CLN3: variants seen among roughly 807,000 people sequenced by gnomAD.
CLN3 encodes the protein battenin.
Under a neutral mutation model 60.7 loss-of-function variants are expected in CLN3, and 49 were observed. That is an observed-to-expected ratio of 0.81 (90% confidence interval 0.64 to 1.02). The LOEUF (loss-of-function observed/expected upper bound fraction) is 1.02. Ranked by LOEUF, CLN3 falls within the 50% of genes least tolerant of loss-of-function variation. The pLI is 0.00. For missense variants in CLN3, 516 were observed against 557.4 expected (o/e 0.93, Z 0.75); for synonymous variants, 256 against 245.8 (o/e 1.04, Z -0.39).
chr16:28,473,068 G>T (rs1166288093), downstream of CLN3, among the ~76,000 whole-genome samples: 1 of 151,996 alleles, frequency 6.6e-6, no homozygotes, highest in Non-Finnish European at 1.5e-5. Flanking sequence ...CTCCAGAGTA[G>T]CTGGGAGTAC....
chr16:28,470,753 T>G (rs1229583527), downstream of CLN3, among the ~76,000 whole-genome samples: 3 of 150,110 alleles, frequency 2.0e-5, no homozygotes, highest in Non-Finnish European at 4.5e-5. Context: ...AAGGATCCGG[T>G]TCAAATTAAG....
intron 14 of CLN3, among the ~76,000 whole-genome samples, chr16:28,480,092 C>T (rs1203601473): frequency 6.6e-6 from 1 of 152,004 alleles, no homozygotes; most frequent in African/African-American, 2.4e-5. Flanking sequence ...TCCCGAGTAG[C>T]TGGGATTACA....
chr16:28,491,756 C>G lies in CLN3; in HGVS notation c.4G>C (p.Gly2Arg), dbSNP rs2046319139. The G allele has an allele frequency of 6.2e-7, 1 of 1,613,924 alleles. No homozygotes were observed. The highest frequency in any genetic ancestry group is 1.7e-5 in the Admixed American group (1 of 60,026). The change falls in exon 2 of 16, where the codon GGA (glycine) becomes CGA (arginine). Residue 2 changes from glycine to arginine, a missense_variant. By Grantham distance (125) the Gly-to-Arg change is moderately radical. Coordinates refer to ENST00000636147, the MANE Select transcript of CLN3 (RefSeq NM_001042432.2). ...CGCCGCCGCGAGCCTGCACAGCCTC[C>G]CATCGCATCAAGTTCAGGTCCCCCG... The part of the protein sequence containing the change: M[G>R]GCAGSRRRFS...
At chr16:28,468,536 T>TTTTTTTAATTTTTGCA in the CLN3 span, among the ~76,000 whole-genome samples, 1 of 142,608 alleles carries the variant, frequency 7.0e-6, no homozygotes, top group Admixed American at 7.0e-5. Flanking sequence ...GGGCCGGGTG[T>TTTTTTTAATTTTTGCA]GGTGGCTCAC....
chr16:28,491,780 C>G lies in CLN3; in HGVS notation c.-21G>C. ...CCCATCGCATCAAGTTCAGGTCCCC[C>G]GAGGGTCCAGGGTCATAGAGTGTCC... On this transcript the variant is annotated 5_prime_UTR_variant, in exon 2 of 16. Transcript: ENST00000636147. The G allele has an allele frequency of 1.2e-6, 2 of 1,613,140 alleles. No homozygotes were observed. The highest frequency in any genetic ancestry group is 1.7e-6 in the Non-Finnish European group (2 of 1,179,990).
chr16:28,478,023 T>C (rs2046026296), intron 14 of CLN3, 146 bp from the exon 15 acceptor site: 1 of 879,256 alleles, frequency 1.1e-6, no homozygotes. Flanking sequence ...ACCAGCCCGG[T>C]GTGGTGGCTC....
chr16:28,483,649 C>T (rs1011968545), intron 10 of CLN3, among the ~76,000 whole-genome samples: 3 of 151,692 alleles, frequency 2.0e-5, no homozygotes, highest in Non-Finnish European at 2.9e-5. Context: ...ATTGGAATGC[C>T]TGGCACATGG....
In CLN3 at chr16:28,477,291, A is replaced by G. The variant is rs2046008258; in HGVS notation, c.*225T>C. 1 of 598,334 alleles carries G rather than the reference A, an allele frequency of 1.7e-6. No individual in the cohort carries two copies. Among genetic ancestry groups the G allele is most frequent in the Non-Finnish European group, 3.0e-6 (1 of 338,586 alleles). 37.1% of individuals were successfully genotyped at this position (598,334 alleles called of 1,614,324 possible). ...ACGATATAAGAAGTCCATGGATAAA[A>G]TCGGCATTTATTCAGAAGGCATGAT... On this transcript the variant is annotated 3_prime_UTR_variant, in exon 16 of 16. Coordinates refer to ENST00000636147, the MANE Select transcript of CLN3 (RefSeq NM_001042432.2).
chr16:28,485,226 A>C (rs2046186242), intron 9 of CLN3, among the ~76,000 whole-genome samples: 1 of 145,794 alleles, frequency 6.9e-6, no homozygotes, highest in Non-Finnish European at 1.5e-5. Flanking sequence ...TACAGATGTG[A>C]GCCACCATGC....
At chr16:28,487,764 G>A in intron 5 of CLN3, 23 bp from the exon 6 acceptor site, 1 of 1,595,628 alleles carries the variant, frequency 6.3e-7, no homozygotes, top group East Asian at 2.2e-5. Flanking sequence ...AATAGAGTGA[G>A]ACCGCAGAGC....
chr16:28,490,653 C>A (rs1009179499), intron 3 of CLN3, among the ~76,000 whole-genome samples: 1 of 140,602 alleles, frequency 7.1e-6, no homozygotes, highest in Non-Finnish European at 1.5e-5. Flanking sequence ...TCAGCTACTC[C>A]GGAGGCTGAG....
intron 14 of CLN3, among the ~76,000 whole-genome samples, chr16:28,481,775 T>C (rs1242235685): frequency 6.6e-6 from 1 of 151,992 alleles, no homozygotes; most frequent in Non-Finnish European, 1.5e-5. Flanking sequence ...GCAGATCACC[T>C]GAGGTCAAGA....
At chr16:28,470,586 AGGGGAG>A (rs1417188422), downstream of CLN3, 120 of 42,330 alleles carry the variant, frequency 2.8e-3, no homozygotes, top group Non-Finnish European at 3.7e-3. Context: ...GGGGAGGGGA[AGGGGAG>A]GGGGAGGGGA....
At chr16:28,471,970 C>T (rs1222428532), downstream of CLN3, among the ~76,000 whole-genome samples, 1 of 152,066 alleles carries the variant, frequency 6.6e-6, no homozygotes. Flanking sequence ...ATGGAGTTTG[C>T]AGTGAGCTGA....
Position 28,486,397 on chromosome 16 carries a change from A to C in CLN3, c.627T>G (p.Pro209=). ...CCAGCATGGACAGCAGGGTCTGCTG[A>C]GGGGAGAGGCCGGCCTGGGTGAGGC... is the stretch of plus-strand genomic sequence containing the variant. ...YLGLTQAGLS[P]QQTLLSMLGI... The change falls in exon 9 of 16, where the codon CCT becomes CCG. Residue 209 remains proline, a synonymous_variant. Coordinates refer to ENST00000636147, the MANE Select transcript of CLN3 (RefSeq NM_001042432.2). 1 of 1,613,286 alleles carries C rather than the reference A, an allele frequency of 6.2e-7. No homozygotes were observed.
At chr16:28,482,417 G>A in intron 12 of CLN3, 35 bp from the exon 13 acceptor site, 3 of 1,613,634 alleles carry the variant, frequency 1.9e-6, no homozygotes, top group Non-Finnish European at 2.5e-6. Flanking sequence ...GATGGACGGG[G>A]CTGTGTGGGT....
chr16:28,478,979 C>G (rs967279617), intron 14 of CLN3, among the ~76,000 whole-genome samples: 72 of 152,234 alleles, frequency 4.7e-4, no homozygotes, highest in Non-Finnish European at 7.5e-4. Context: ...GTCGCTGCCC[C>G]CCTGCCTCAG....
intron 15 of CLN3, 44 bp downstream of exon 15, chr16:28,477,693 T>C (rs1156772853): frequency 1.2e-6 from 2 of 1,613,862 alleles, no homozygotes; most frequent in African/African-American, 2.7e-5. Context: ...GCCCTGGGTG[T>C]CCCTGGACAG....
rs759581122 is a variant in CLN3 at position 28,489,344 on chromosome 16, C to T, written c.168G>A (p.Leu56=). ...LCNNFSYVVM[L]SAAHDILSHK... is the part of the protein sequence containing the mutation. ...GGCTAAGGATGTCGTGGGCGGCACT[C>T]AGCATCACCACATAAGAGAAGTTGT... Residue 56 remains leucine (L), a synonymous_variant, in exon 4 of 16, where the codon CTG becomes CTA. Transcript: ENST00000636147. 7 of 1,613,488 alleles carry T rather than the reference C, an allele frequency of 4.3e-6. No homozygotes were observed. Among genetic ancestry groups the T allele is most frequent in the Non-Finnish European group, 5.9e-6 (7 of 1,179,782 alleles).
Sources: allele counts gnomAD v4.1 joint callset (sites outside exome capture counted in the v4.1 genomes callset), GRCh38; gene constraint gnomAD v4.1.1; transcripts MANE v1.5; gene names NCBI Gene and HGNC (gene_info 2026-07-23, HGNC 2026-07-21).